Variants in ASB3 observed in about 807,000 individuals in gnomAD.
The protein encoded by ASB3 is ankyrin repeat and SOCS box containing 3.
A neutral mutation model predicts 54.5 loss-of-function variants in ASB3; 41 were observed. The observed-to-expected ratio is 0.75, with a 90% confidence interval of 0.59 to 0.98. The LOEUF (loss-of-function observed/expected upper bound fraction) is 0.98, where lower values mean the gene tolerates loss of function less well. ASB3 is among the 50% of genes least tolerant of loss of function. The pLI is 0.00. For synonymous variants in ASB3, 266 were observed against 221.2 expected (o/e 1.20, Z -1.80); for missense variants, 733 against 620.0 (o/e 1.18, Z -1.94).
intron 1 of ASB3, among the ~76,000 whole-genome samples, chr2:53,785,928 A>G (rs920951149): frequency 2.6e-5 from 4 of 152,238 alleles, no homozygotes; most frequent in African/African-American, 4.8e-5. Flanking sequence ...GCGAATAACA[A>G]TTCTGAAGAA....
At chr2:53,692,383 G>C (rs1410174226) in intron 9 of ASB3, among the ~76,000 whole-genome samples, 3 of 152,100 alleles carry the variant, frequency 2.0e-5, no homozygotes, top group Non-Finnish European at 4.4e-5. Flanking sequence ...AATGAGACTG[G>C]AAACAAGAAA....
intron 7 of ASB3, among the ~76,000 whole-genome samples, chr2:53,701,256 G>C (rs989666426): frequency 6.6e-6 from 1 of 151,944 alleles, no homozygotes; most frequent in Middle Eastern, 3.4e-3. Context: ...CACCGTGACT[G>C]GCCTTACATT....
At chr2:53,687,356 T>C (rs1225204061) in intron 9 of ASB3, among the ~76,000 whole-genome samples, 1 of 152,218 alleles carries the variant, frequency 6.6e-6, no homozygotes, top group African/African-American at 2.4e-5. Flanking sequence ...TCTGCTAAAC[T>C]TGTGAAGGTC....
chr2:53,729,688 C>T (rs1558544414), intron 3 of ASB3, 118 bp from the exon 4 acceptor site: 2 of 778,020 alleles, frequency 2.6e-6, no homozygotes, highest in Non-Finnish European at 4.3e-6. Context: ...CTGATTATTC[C>T]TAAACAGTTA....
intron 1 of ASB3, chr2:53,774,016 C>T (rs780692707): frequency 9.3e-7 from 1 of 1,074,200 alleles, no homozygotes; most frequent in Non-Finnish European, 1.3e-6. Context: ...GCCTGGGCAA[C>T]AGACAAGACT....
chr2:53,677,539 T>C (rs1252862730), intron 9 of ASB3, among the ~76,000 whole-genome samples: 1 of 152,318 alleles, frequency 6.6e-6, no homozygotes, highest in Admixed American at 6.5e-5. Context: ...TTTTCTATGC[T>C]CCTTTAACAA....
intron 2 of ASB3, among the ~76,000 whole-genome samples, chr2:53,759,099 A>G (rs1386689908): frequency 6.6e-6 from 1 of 152,220 alleles, no homozygotes; most frequent in Non-Finnish European, 1.5e-5. Flanking sequence ...AGAGTTTGGC[A>G]ATCTCTGGTA....
chr2:53,753,380 T>C (rs1672634360), intron 2 of ASB3, among the ~76,000 whole-genome samples: 1 of 152,108 alleles, frequency 6.6e-6, no homozygotes, highest in African/African-American at 2.4e-5. Context: ...TTTCTTACTG[T>C]TGGAGAGGAA....
Position 53,691,751 on chromosome 2 carries a change from C to A in ASB3, c.1369+2133G>T, listed in dbSNP as rs114253720. Among the ~76,000 whole-genome samples, 1,484 of 152,218 alleles carry A rather than the reference C, an allele frequency of 9.7e-3. 26 individuals carry two copies. Among genetic ancestry groups the A allele is most frequent in the African/African-American group, 0.032 (1,340 of 41,524 alleles). On this transcript the variant is annotated intron_variant, in intron 9 of 9. Coordinates refer to ENST00000263634, the MANE Select transcript of ASB3 (RefSeq NM_016115.5). Reference sequence around the variant, plus strand: ...TGAATTATAGAAAGGAAGAGAGTCACAATCCCATCTGAAAGCCAGGCAACT... The same window carrying A: ...TGAATTATAGAAAGGAAGAGAGTCAAAATCCCATCTGAAAGCCAGGCAACT...
chr2:53,704,756 G>A (rs1212525204), intron 7 of ASB3, among the ~76,000 whole-genome samples: 1 of 152,058 alleles, frequency 6.6e-6, no homozygotes, highest in Non-Finnish European at 1.5e-5. Flanking sequence ...AGTTTTCTTG[G>A]AAATAATGAA....
At chr2:53,675,136 T>G (rs544838819) in intron 9 of ASB3, among the ~76,000 whole-genome samples, 1 of 152,300 alleles carries the variant, frequency 6.6e-6, no homozygotes, top group South Asian at 2.1e-4. Context: ...ATCAAAAGGC[T>G]GTTGATGATG....
intron 3 of ASB3, among the ~76,000 whole-genome samples, chr2:53,747,139 CTAA>C (rs1000000715): frequency 1.3e-5 from 2 of 151,840 alleles, no homozygotes; most frequent in Admixed American, 6.6e-5. Context: ...AAATGGGACT[CTAA>C]TAATAATAAT....
At chr2:53,705,133 A>C (rs1204600806) in intron 7 of ASB3, among the ~76,000 whole-genome samples, 2 of 152,192 alleles carry the variant, frequency 1.3e-5, no homozygotes, top group Non-Finnish European at 2.9e-5. Context: ...TTCTAGAATG[A>C]AAAATAAAAA....
intron 6 of ASB3, 30 bp from the exon 7 acceptor site, chr2:53,714,611 G>A: frequency 1.2e-6 from 2 of 1,610,298 alleles, no homozygotes; most frequent in Non-Finnish European, 1.7e-6. Flanking sequence ...GGAGAATTTA[G>A]TGTTTGTATA....
At chr2:53,672,612 C>A (rs1367062023) in intron 9 of ASB3, among the ~76,000 whole-genome samples, 1 of 152,178 alleles carries the variant, frequency 6.6e-6, no homozygotes. Context: ...AACAACCATA[C>A]ATACTTTAAA....
intron 2 of ASB3, among the ~76,000 whole-genome samples, chr2:53,752,186 G>A (rs1360381092): frequency 6.6e-6 from 1 of 152,182 alleles, no homozygotes; most frequent in Non-Finnish European, 1.5e-5. Flanking sequence ...AAAAATGCCA[G>A]TAGAGCTATT....
At chr2:53,685,207 T>C (rs967144246) in intron 9 of ASB3, among the ~76,000 whole-genome samples, 1 of 152,184 alleles carries the variant, frequency 6.6e-6, no homozygotes, top group African/African-American at 2.4e-5. Flanking sequence ...TTCAGAATAA[T>C]AGAGGCTGAG....
intron 1 of ASB3, chr2:53,767,767 C>T (rs1673575310): frequency 8.1e-7 from 1 of 1,240,996 alleles, no homozygotes; most frequent in Non-Finnish European, 1.1e-6. Flanking sequence ...CTTTGCGCCC[C>T]AAGTGGCCAT....
At chr2:53,700,861 T>G (rs1009593242) in intron 7 of ASB3, among the ~76,000 whole-genome samples, 1 of 152,248 alleles carries the variant, frequency 6.6e-6, no homozygotes, top group African/African-American at 2.4e-5. Context: ...ACAAAATACT[T>G]TGCTTAACAA....
Sources: allele counts gnomAD v4.1 joint callset (sites outside exome capture counted in the v4.1 genomes callset), GRCh38; gene constraint gnomAD v4.1.1; transcripts MANE v1.5; gene names NCBI Gene and HGNC (gene_info 2026-07-23, HGNC 2026-07-21).